Variants in POU6F1 observed in about 807,000 individuals in gnomAD.
POU6F1 encodes POU domain, class 6, transcription factor 1.
A neutral mutation model predicts 28.9 loss-of-function variants in POU6F1; 9 were observed. The observed-to-expected ratio is 0.31, with a 90% CI of 0.19 to 0.54. The LOEUF (loss-of-function observed/expected upper bound fraction) is 0.54, where lower values mean the gene tolerates loss of function less well. Among genes scored for constraint, POU6F1 ranks in the 20% least tolerant of loss-of-function variants. The pLI, the probability that POU6F1 is intolerant of heterozygous loss-of-function variation, is 0.94. For missense variants in POU6F1, 338 were observed against 426.1 expected (o/e 0.79, Z 1.82); for synonymous variants, 173 against 171.1 (o/e 1.01, Z -0.09).
rs1050603513 is a variant in POU6F1 at position 51,188,957 on chromosome 12, C to T, written c.*1290G>A. On this transcript the variant is annotated 3_prime_UTR_variant, in exon 11 of 11. Transcript: ENST00000333640. Reference sequence around the variant, plus strand: ...TCCAGCCACAGTGAGGCTGGAAACTCACTTAACAGCTTGGATGAGAGCTAA... The same window carrying T: ...TCCAGCCACAGTGAGGCTGGAAACTTACTTAACAGCTTGGATGAGAGCTAA... 2 of 152,112 alleles carry T rather than the reference C, an allele frequency of 1.3e-5. No individual in the cohort carries two copies. Among genetic ancestry groups the T allele is most frequent in the African/African-American group, 2.4e-5 (1 of 41,414 alleles). 9.4% of individuals were successfully genotyped at this position (152,112 alleles called of 1,614,324 possible).
In POU6F1 at chr12:51,199,483, C is replaced by T. The variant is rs1465440794; in HGVS notation, c.366+264G>A. 3.3e-5 allele frequency among the ~76,000 whole-genome samples: 5 copies of T among 152,168 alleles called. No individual in the cohort carries two copies. The highest frequency in any genetic ancestry group is 7.3e-5 in the Non-Finnish European group (5 of 68,028). ...ATTTGATAAACAGAAACTCTGGCTGCGTGAAAGAGTTAATGTTATTTCTGC... is the reference window on the plus strand; with the variant it reads ...ATTTGATAAACAGAAACTCTGGCTGTGTGAAAGAGTTAATGTTATTTCTGC... On this transcript the variant is annotated intron_variant, in intron 4 of 10. Transcript: ENST00000333640. The surrounding 1 kb of genome is among the most constrained non-coding windows in gnomAD (Gnocchi z 4.1).
At chr12:51,212,595 A>C (rs1944066127) in intron 1 of POU6F1, among the ~76,000 whole-genome samples, 2 of 150,106 alleles carry the variant, frequency 1.3e-5, no homozygotes, top group South Asian at 4.2e-4. Context: ...AGTCTGATCA[A>C]CATGGAGAAA....
intron 1 of POU6F1, among the ~76,000 whole-genome samples, chr12:51,209,485 T>C (rs1457335254): frequency 6.6e-6 from 1 of 152,258 alleles, no homozygotes; most frequent in Non-Finnish European, 1.5e-5. Flanking sequence ...CATGGCTGAA[T>C]AGTATTCTAT....
chr12:51,194,658 A>AAAAG (rs745776880), intron 8 of POU6F1, among the ~76,000 whole-genome samples: 1 of 146,326 alleles, frequency 6.8e-6, no homozygotes. Context: ...AAAAAAAAAA[A>AAAAG]GCTCATCTGG....
At position 51,199,924 on chromosome 12, in the gene POU6F1, G is replaced by C. The variant is rs745637848; in HGVS notation, c.245-56C>G. ...AGGAGTGAGCCTGACGTGAGTGGAG[G>C]GGTCACCACAGCAGTACATGACATC... On this transcript the variant is annotated intron_variant, in intron 3 of 10. Coordinates refer to ENST00000333640, the MANE Select transcript of POU6F1 (RefSeq NM_001330422.2). This position sits in a 1 kb window ranked among gnomAD's most constrained non-coding sequence, Gnocchi z 4.1. 1.3e-5 allele frequency: 5 copies of C among 399,262 alleles called. No homozygotes were observed. Among genetic ancestry groups the C allele is most frequent in the Non-Finnish European group, 2.2e-5 (5 of 226,226 alleles). 24.7% of individuals were successfully genotyped at this position (399,262 alleles called of 1,614,324 possible). A position where few individuals can be genotyped will look rare whatever the true frequency, so the allele number is the denominator to read the frequency against.
Position 51,190,288 on chromosome 12 carries a change from G to A in POU6F1, c.1795C>T (p.Leu599Phe). ...RVWFCNRRQT[L>F]KNTSKLNVFQ... ...ACGTTCAGCTTGCTGGTGTTCTTGA[G>A]CGTCTGGCGCCGATTGCAGAACCAG... is the stretch of plus-strand genomic sequence containing the variant. Residue 599 changes from leucine (L) to phenylalanine (F), a missense_variant, in exon 11 of 11, where the codon CTC becomes TTC. Around this residue, in one of 3 missense-constraint regions of POU6F1, gnomAD observed 126 missense variants for 176.5 expected, o/e 0.71. Coordinates refer to ENST00000333640, the MANE Select transcript of POU6F1 (RefSeq NM_001330422.2). The surrounding 1 kb of genome is among the most constrained non-coding windows in gnomAD (Gnocchi z 4.5). 6.2e-7 allele frequency: 1 copy of A among 1,614,226 alleles called. No homozygotes were observed. Among genetic ancestry groups the A allele is most frequent in the Non-Finnish European group, 8.5e-7 (1 of 1,180,032 alleles).
At chr12:51,216,116 G>A (rs901203821) in intron 1 of POU6F1, among the ~76,000 whole-genome samples, 5 of 152,108 alleles carry the variant, frequency 3.3e-5, no homozygotes, top group Non-Finnish European at 5.9e-5. Context: ...TAAGGAGTTC[G>A]AGACCAGCCT....
intron 8 of POU6F1, among the ~76,000 whole-genome samples, chr12:51,193,394 G>C (rs1192414276): frequency 6.6e-6 from 1 of 152,196 alleles, no homozygotes; most frequent in East Asian, 1.9e-4. Flanking sequence ...GGCTAACATA[G>C]TGAGACCCCG....
chr12:51,204,248 C>T lies in POU6F1; in HGVS notation c.169G>A (p.Gly57Arg), dbSNP rs777383745. The T allele has an allele frequency of 6.5e-5, 26 of 399,028 alleles. No homozygotes were observed. Among genetic ancestry groups the T allele is most frequent in the Non-Finnish European group, 8.4e-5 (19 of 226,200 alleles). The allele number at this position is 399,028 out of a possible 1,614,324, so 24.7% of individuals were successfully genotyped here. A position where few individuals can be genotyped will look rare whatever the true frequency, so the allele number is the denominator to read the frequency against. ...GCTTGACTGGCTTCAGCAGGGTCTCCGCTCTGGGAGCCCTCGGCGGCCACA... is the reference window on the plus strand; with the variant it reads ...GCTTGACTGGCTTCAGCAGGGTCTCTGCTCTGGGAGCCCTCGGCGGCCACA... ...EGVAAEGSQS[G>R]DPAEASQAAG... The change falls in exon 3 of 11, where the codon GGA (glycine) becomes AGA (arginine). Residue 57 changes from glycine (G) to arginine (R), a missense_variant. Transcript: ENST00000333640.
rs547002868 is a variant in POU6F1 at position 51,190,947 on chromosome 12, C to T, written c.1491-355G>A. On this transcript the variant is annotated intron_variant, in intron 10 of 10. Coordinates refer to ENST00000333640, the MANE Select transcript of POU6F1 (RefSeq NM_001330422.2). This position sits in a 1 kb window ranked among gnomAD's most constrained non-coding sequence, Gnocchi z 4.5. ...ACCTTGGGAGGCCTCCAGTCACACT[C>T]CCATAGCAGCATCACTAACAAGTCA... 2.6e-5 allele frequency among the ~76,000 whole-genome samples: 4 copies of T among 152,284 alleles called. No individual in the cohort carries two copies. The highest frequency in any genetic ancestry group is 2.1e-4 in the South Asian group (1 of 4,822).
chr12:51,190,118 T>A lies in POU6F1; in HGVS notation c.*129A>T. ...GGGACATTGATGCACATGCACACGG[T>A]GGAGTCTGATGACCTGGGGTGAGCA... On this transcript the variant is annotated 3_prime_UTR_variant, in exon 11 of 11. Coordinates refer to ENST00000333640, the MANE Select transcript of POU6F1 (RefSeq NM_001330422.2). This position sits in a 1 kb window ranked among gnomAD's most constrained non-coding sequence, Gnocchi z 4.5. The A allele has an allele frequency of 2.1e-6, 3 of 1,405,328 alleles. No individual in the cohort carries two copies. The Admixed American group carries it at 7.5e-5, about 35-fold the overall frequency. 87.1% of individuals were successfully genotyped at this position (1,405,328 alleles called of 1,614,324 possible). A position where few individuals can be genotyped will look rare whatever the true frequency, so the allele number is the denominator to read the frequency against.
chr12:51,205,641 A>G (rs1203193626), intron 2 of POU6F1, among the ~76,000 whole-genome samples: 2 of 152,168 alleles, frequency 1.3e-5, no homozygotes, highest in African/African-American at 4.8e-5. Context: ...ACACTCTTTG[A>G]GCCTGAAAGT....
chr12:51,200,533 G>C (rs1420102731), intron 3 of POU6F1, among the ~76,000 whole-genome samples: 2 of 152,060 alleles, frequency 1.3e-5, no homozygotes, highest in Non-Finnish European at 2.9e-5. Context: ...CCTTCTCTTG[G>C]TACCTTAGCC....
chr12:51,198,406 C>T (rs1275290896), intron 5 of POU6F1, 144 bp downstream of exon 5: 4 of 397,746 alleles, frequency 1.0e-5, no homozygotes, highest in East Asian at 3.6e-5. Context: ...GCTCTGCGGC[C>T]GGATGCCCAA....
chr12:51,191,469 C>T, intron 10 of POU6F1, 127 bp downstream of exon 10: 3 of 1,166,230 alleles, frequency 2.6e-6, no homozygotes, highest in Non-Finnish European at 3.5e-6. Flanking sequence ...GATGGTCTTC[C>T]TTATCTGGAA....
intron 5 of POU6F1, 175 bp from the exon 6 acceptor site, chr12:51,198,198 TC>T (rs752208482): frequency 5.0e-6 from 2 of 397,374 alleles, no homozygotes; most frequent in Admixed American, 4.4e-5. Context: ...GCATCTCTTA[TC>T]CCCCCTCCCT....
intron 2 of POU6F1, among the ~76,000 whole-genome samples, chr12:51,206,179 T>C (rs986906167): frequency 2.7e-5 from 4 of 149,810 alleles, no homozygotes; most frequent in African/African-American, 9.8e-5. Context: ...ATTCCAGCAC[T>C]TTGGGAGGCC....
chr12:51,204,672 G>A (rs1189807950), intron 2 of POU6F1, among the ~76,000 whole-genome samples: 2 of 152,158 alleles, frequency 1.3e-5, no homozygotes, highest in East Asian at 3.9e-4. Context: ...CCATCTCTTG[G>A]ACTCAGTGCA....
chr12:51,207,006 G>A (rs886455018), intron 1 of POU6F1, 123 bp from the exon 2 acceptor site: 1 of 370,524 alleles, frequency 2.7e-6, no homozygotes, highest in East Asian at 3.9e-5. Context: ...CCAAGTATCT[G>A]TAGAGGTTAA....
Sources: allele counts gnomAD v4.1 joint callset (sites outside exome capture counted in the v4.1 genomes callset), GRCh38; gene constraint gnomAD v4.1.1; regional missense constraint gnomAD v4.1.1; non-coding constraint Gnocchi (gnomAD v3.1); transcripts MANE v1.5; gene names NCBI Gene and HGNC (gene_info 2026-07-23, HGNC 2026-07-21).